PCDH9: variants seen among roughly 807,000 people sequenced by gnomAD.
PCDH9 encodes the protein protocadherin 9.
Under a neutral mutation model 70.6 loss-of-function variants are expected in PCDH9, and 24 were observed. That is an observed-to-expected ratio of 0.34 (90% CI 0.25 to 0.48). PCDH9 has a LOEUF of 0.48. PCDH9 is among the 20% of genes least tolerant of loss of function. The pLI, the probability that PCDH9 is intolerant of heterozygous loss-of-function variation, is 0.99. For synonymous variants in PCDH9, 562 were observed against 558.5 expected (o/e 1.01, Z -0.09); for missense variants, 1,281 against 1,503.6 (o/e 0.85, Z 2.45).
intron 4 of PCDH9, among the ~76,000 whole-genome samples, chr13:66,459,090 T>C (rs1958371436): frequency 6.6e-6 from 1 of 151,956 alleles, no homozygotes; most frequent in African/African-American, 2.4e-5. Flanking sequence ...AAGAACGTGT[T>C]CCACTGCTTC....
Position 66,983,681 on chromosome 13 carries a change from T to TA in PCDH9, c.3037-80077dup, listed in dbSNP as rs200092674. On this transcript the variant is annotated intron_variant, in intron 2 of 4. Coordinates refer to ENST00000377865, the MANE Select transcript of PCDH9 (RefSeq NM_203487.3). The stretch of plus-strand genomic sequence containing the variant: ...TTTACTTCATAAACTCACTCTTTTT[T>TA]AAAAAAAACTTTTATTTTAGGTTCA... 9.8e-3 allele frequency among the ~76,000 whole-genome samples: 1,493 copies of TA among 152,098 alleles called. 28 individuals carry two copies. The highest frequency in any genetic ancestry group is 0.034 in the African/African-American group (1,420 of 41,502).
chr13:67,012,707 T>A (rs1033571639), intron 2 of PCDH9, among the ~76,000 whole-genome samples: 1 of 152,082 alleles, frequency 6.6e-6, no homozygotes, highest in South Asian at 2.1e-4. Flanking sequence ...ATTGGGATGG[T>A]TCCTGCCCTC....
chr13:67,018,605 G>A (rs1412649820), intron 2 of PCDH9, among the ~76,000 whole-genome samples: 17 of 133,524 alleles, frequency 1.3e-4, no homozygotes, highest in African/African-American at 4.7e-4. Flanking sequence ...GCAACAGAGC[G>A]AGACTCGTCT....
At chr13:66,667,720 A>G (rs2078115808) in intron 3 of PCDH9, among the ~76,000 whole-genome samples, 1 of 152,088 alleles carries the variant, frequency 6.6e-6, no homozygotes, top group South Asian at 2.1e-4. Context: ...CTAAATACAT[A>G]ATTTATTCCT....
chr13:66,847,881 T>C (rs1454524913), intron 3 of PCDH9, among the ~76,000 whole-genome samples: 1 of 152,200 alleles, frequency 6.6e-6, no homozygotes, highest in Non-Finnish European at 1.5e-5. Flanking sequence ...GTAAAAGTTA[T>C]TGTTTATTTC....
chr13:66,796,976 G>C (rs2080252740), intron 3 of PCDH9, among the ~76,000 whole-genome samples: 3 of 152,126 alleles, frequency 2.0e-5, no homozygotes. Flanking sequence ...ATGATTATAA[G>C]AGGTGAGAAA....
At chr13:66,578,342 C>A (rs2076843162) in intron 4 of PCDH9, among the ~76,000 whole-genome samples, 1 of 151,994 alleles carries the variant, frequency 6.6e-6, no homozygotes, top group Non-Finnish European at 1.5e-5. Context: ...GAGTATTATT[C>A]ATTGTCTGAC....
At chr13:67,160,982 C>T (rs74095370) in intron 2 of PCDH9, among the ~76,000 whole-genome samples, 1 of 152,288 alleles carries the variant, frequency 6.6e-6, no homozygotes, top group South Asian at 2.1e-4. Flanking sequence ...GAAATTTCAG[C>T]TAATCTTTCT....
At chr13:66,671,184 C>T (rs1331410801) in intron 3 of PCDH9, among the ~76,000 whole-genome samples, 2 of 152,140 alleles carry the variant, frequency 1.3e-5, no homozygotes, top group African/African-American at 2.4e-5. Context: ...CCTTCTGCCA[C>T]GATGGTGAGG....
chr13:66,800,870 G>A (rs1361486206), intron 3 of PCDH9, among the ~76,000 whole-genome samples: 3 of 152,010 alleles, frequency 2.0e-5, no homozygotes, highest in Non-Finnish European at 2.9e-5. Context: ...GGGTTCTTGT[G>A]AAGATCAAAC....
chr13:66,960,974 C>T (rs1444426755), intron 2 of PCDH9, among the ~76,000 whole-genome samples: 1 of 152,124 alleles, frequency 6.6e-6, no homozygotes, highest in Non-Finnish European at 1.5e-5. Context: ...AAAGTAGCAA[C>T]TGTAAAAATC....
chr13:66,549,928 A>AT (rs1289900314), intron 4 of PCDH9, among the ~76,000 whole-genome samples: 3 of 151,890 alleles, frequency 2.0e-5, no homozygotes, highest in Admixed American at 1.3e-4. Flanking sequence ...AAATAATACT[A>AT]TTTTTTTTCT....
chr13:66,470,736 A>C (rs1958602737), intron 4 of PCDH9, among the ~76,000 whole-genome samples: 1 of 151,562 alleles, frequency 6.6e-6, no homozygotes, highest in South Asian at 2.1e-4. Flanking sequence ...AAAAAAAAAA[A>C]AACTTTTGGA....
intron 4 of PCDH9, among the ~76,000 whole-genome samples, chr13:66,569,144 G>A (rs969625252): frequency 3.3e-5 from 5 of 151,526 alleles, no homozygotes; most frequent in African/African-American, 7.3e-5. Context: ...TGGGACTGCA[G>A]GCATGTGCCA....
chr13:66,610,001 A>G (rs1593773090), intron 4 of PCDH9, among the ~76,000 whole-genome samples: 1 of 128,660 alleles, frequency 7.8e-6, no homozygotes, highest in Non-Finnish European at 1.6e-5. Flanking sequence ...TCTGTCGCCC[A>G]GGCTGGAGTG....
intron 3 of PCDH9, among the ~76,000 whole-genome samples, chr13:66,675,387 C>A (rs1432780164): frequency 1.3e-5 from 2 of 151,972 alleles, no homozygotes; most frequent in Non-Finnish European, 2.9e-5. Flanking sequence ...GCATGCCTGG[C>A]CCTCAAAGTT....
intron 2 of PCDH9, among the ~76,000 whole-genome samples, chr13:67,077,391 C>G (rs1045076731): frequency 3.3e-5 from 5 of 152,098 alleles, no homozygotes; most frequent in Non-Finnish European, 7.4e-5. Flanking sequence ...TTTCAACCAT[C>G]ATTTTGCTGA....
At chr13:67,070,568 C>T (rs918474483) in intron 2 of PCDH9, among the ~76,000 whole-genome samples, 2 of 152,128 alleles carry the variant, frequency 1.3e-5, no homozygotes, top group Admixed American at 6.6e-5. Context: ...TTACAGAGAA[C>T]AAGCAAAACA....
chr13:66,954,217 T>C (rs2083230903), intron 2 of PCDH9, among the ~76,000 whole-genome samples: 1 of 152,224 alleles, frequency 6.6e-6, no homozygotes, highest in Non-Finnish European at 1.5e-5. Flanking sequence ...ATACTTATAA[T>C]GCTCTCTCTT....
Sources: allele counts gnomAD v4.1 joint callset (sites outside exome capture counted in the v4.1 genomes callset), GRCh38; gene constraint gnomAD v4.1.1; transcripts MANE v1.5; gene names NCBI Gene and HGNC (gene_info 2026-07-23, HGNC 2026-07-21).